IL12B: variants seen among roughly 807,000 people sequenced by gnomAD.
IL12B encodes the protein interleukin-12 subunit beta.
A neutral mutation model predicts 39.2 loss-of-function variants in IL12B; 27 were observed. That is an observed-to-expected ratio of 0.69 (90% CI 0.51 to 0.95). The LOEUF (loss-of-function observed/expected upper bound fraction) is 0.95, where lower values mean the gene tolerates loss of function less well. Among genes scored for constraint, IL12B ranks in the 40% least tolerant of loss-of-function variants. The probability of loss-of-function intolerance (pLI) is 0.00; values close to 1 mark genes in which losing one functional copy is unlikely to be tolerated. For missense variants in IL12B, 351 were observed against 397.6 expected (o/e 0.88, Z 1.00); for synonymous variants, 142 against 152.1 (o/e 0.93, Z 0.49).
chr5:159,317,742 G>A (rs1157834996), intron 6 of IL12B, among the ~76,000 whole-genome samples: 6 of 152,196 alleles, frequency 3.9e-5, no homozygotes, highest in African/African-American at 9.7e-5. Flanking sequence ...ACAGCCAGGA[G>A]CTATCCATTT....
intron 3 of IL12B, among the ~76,000 whole-genome samples, 194 bp downstream of exon 3, chr5:159,322,860 T>C (rs955358488): frequency 2.0e-5 from 3 of 152,166 alleles, no homozygotes; most frequent in Non-Finnish European, 2.9e-5. Flanking sequence ...TAATATGAGA[T>C]TTTGATGGTT....
At chr5:159,322,369 G>A in intron 4 of IL12B, 25 bp downstream of exon 4, 2 of 1,370,664 alleles carry the variant, frequency 1.5e-6, no homozygotes, top group Non-Finnish European at 2.1e-6. Context: ...GAAAAATGCT[G>A]AGAAACCAGA....
rs369157824 is a variant in IL12B, at chr5:159,315,405, G to A, written c.*696C>T. On this transcript the variant is annotated 3_prime_UTR_variant, in exon 8 of 8. Coordinates refer to ENST00000231228, the MANE Select transcript of IL12B (RefSeq NM_002187.3). Reference sequence around the variant, plus strand: ...GACGGGGTCTTGTTATGTTTCCCAGGCTGGTCAATCATTTTTTTCTAGCCC... The same window carrying A: ...GACGGGGTCTTGTTATGTTTCCCAGACTGGTCAATCATTTTTTTCTAGCCC... The A allele has an allele frequency of 3.3e-5, 5 of 152,108 alleles. No individual in the cohort carries two copies. Among genetic ancestry groups the A allele is most frequent in the African/African-American group, 1.2e-4 (5 of 41,354 alleles). 9.4% of individuals were successfully genotyped at this position (152,108 alleles called of 1,614,324 possible).
intron 6 of IL12B, among the ~76,000 whole-genome samples, chr5:159,317,495 C>T (rs906616245): frequency 6.6e-6 from 1 of 152,068 alleles, no homozygotes; most frequent in Admixed American, 6.5e-5. Context: ...ATTATTTTCC[C>T]AGAGAGTAAC....
chr5:159,316,935 T>G, intron 6 of IL12B, 119 bp from the exon 7 acceptor site: 2 of 1,114,220 alleles, frequency 1.8e-6, no homozygotes, highest in South Asian at 2.5e-5. Context: ...TAGGGCACTG[T>G]GCTTGCAATT....
rs574914587 is a variant in IL12B, at chr5:159,314,789, A to T, written c.*1312T>A. ...CTGAGAATGCCCAAAATATGATTAC[A>T]AAGAAGAGTTTTTATTAGTTCAGCC... On this transcript the variant is annotated 3_prime_UTR_variant, in exon 8 of 8. Transcript: ENST00000231228. 6.6e-5 allele frequency: 10 copies of T among 152,492 alleles called. No homozygotes were observed. The highest frequency in any genetic ancestry group is 4.1e-4 in the South Asian group (2 of 4,824). The allele number at this position is 152,492 out of a possible 1,614,324, so 9.4% of individuals were successfully genotyped here.
chr5:159,322,755 A>G (rs893102422), intron 3 of IL12B, among the ~76,000 whole-genome samples: 1 of 152,236 alleles, frequency 6.6e-6, no homozygotes, highest in Non-Finnish European at 1.5e-5. Context: ...GCAGAGTGAT[A>G]CACTATCGGT....
intron 1 of IL12B, among the ~76,000 whole-genome samples, chr5:159,327,907 C>T (rs968784050): frequency 1.3e-5 from 2 of 152,162 alleles, no homozygotes; most frequent in African/African-American, 2.4e-5. Flanking sequence ...ATGCCACTTA[C>T]GAATGAGGTA....
rs1406066852 is a variant in IL12B at position 159,323,232 on chromosome 5, C to T, written c.186G>A (p.Leu62=). 1 of 1,614,104 alleles carries T rather than the reference C, an allele frequency of 6.2e-7. No homozygotes were observed. The highest frequency in any genetic ancestry group is 1.1e-5 in the South Asian group (1 of 91,078). The stretch of plus-strand genomic sequence containing the variant: ...AGCCTAAGACCTCACTGCTCTGGTC[C>T]AAGGTCCAGGTGATACCATCTTCTT... ...TPEEDGITWT[L]DQSSEVLGSG... The change falls in exon 3 of 8, where the codon TTG becomes TTA. Residue 62 remains leucine (L), a synonymous_variant. Transcript: ENST00000231228.
At chr5:159,322,910 GTTAACATCAA>G (rs1754117625) in intron 3 of IL12B, 134 bp downstream of exon 3, 3 of 829,748 alleles carry the variant, frequency 3.6e-6, no homozygotes, top group Non-Finnish European at 5.9e-6. Context: ...GAAAATGGAG[GTTAACATCAA>G]TTAACATCAA....
At chr5:159,323,865 TAAC>T (rs1754143883) in intron 2 of IL12B, among the ~76,000 whole-genome samples, 1 of 143,972 alleles carries the variant, frequency 6.9e-6, no homozygotes, top group Non-Finnish European at 1.5e-5. Context: ...ATGATAATAA[TAAC>T]AGTATCTGCC....
rs1753975293 is a variant in IL12B at position 159,315,546 on chromosome 5, T to A, written c.*555A>T. 1 of 152,668 alleles carries A rather than the reference T, an allele frequency of 6.6e-6. No individual in the cohort carries two copies. Among genetic ancestry groups the A allele is most frequent in the Admixed American group, 6.5e-5 (1 of 15,270 alleles). The allele number at this position is 152,668 out of a possible 1,614,324, so 9.5% of individuals were successfully genotyped here. A position where few individuals can be genotyped will look rare whatever the true frequency, so the allele number is the denominator to read the frequency against. Reference sequence around the variant, plus strand: ...ACAGACATGGGAACTAGCATCTTGTTCTCCTGGATCTTCTCAACAGGTTTG... The same window carrying A: ...ACAGACATGGGAACTAGCATCTTGTACTCCTGGATCTTCTCAACAGGTTTG... On this transcript the variant is annotated 3_prime_UTR_variant, in exon 8 of 8. Coordinates refer to ENST00000231228, the MANE Select transcript of IL12B (RefSeq NM_002187.3).
rs1333773534 is a variant in IL12B, at chr5:159,323,397, C to T, written c.89-68G>A. On this transcript the variant is annotated intron_variant, in intron 2 of 7. Transcript: ENST00000231228. ...GAACTCTGGGACTGTGTTTTATTAA[C>T]CCTTCGGGCATCCCCATTGCCTAAA... 3.4e-6 allele frequency: 5 copies of T among 1,478,156 alleles called. No individual in the cohort carries two copies. In the African/African-American group the frequency reaches 4.1e-5, roughly 12 times the overall value. The allele number at this position is 1,478,156 out of a possible 1,614,324, so 91.6% of individuals were successfully genotyped here. A position where few individuals can be genotyped will look rare whatever the true frequency, so the allele number is the denominator to read the frequency against.
At chr5:159,324,926 G>A (rs141505514) in intron 2 of IL12B, among the ~76,000 whole-genome samples, 1 of 152,000 alleles carries the variant, frequency 6.6e-6, no homozygotes, top group African/African-American at 2.4e-5. Context: ...CAACTCTGGG[G>A]AAATGATTAG....
chr5:159,319,392 T>C (rs950867338), intron 5 of IL12B, among the ~76,000 whole-genome samples: 1 of 152,248 alleles, frequency 6.6e-6, no homozygotes, highest in African/African-American at 2.4e-5. Context: ...ATTGTCTCTA[T>C]GCTCAATTTG....
Position 159,320,480 on chromosome 5 carries a change from G to A in IL12B, c.523C>T (p.Leu175Phe). Residue 175 changes from leucine (L) to phenylalanine (F), a missense_variant, in exon 5 of 8, where the codon CTC (leucine) becomes TTC (phenylalanine). Leu to Phe is a conservative substitution (Grantham distance 22). Transcript: ENST00000231228. The part of the protein sequence containing the change: ...PQGVTCGAAT[L>F]SAERVRGDNK... ...TCCCCTCTGACTCTCTCTGCAGAGA[G>A]TGTAGCAGCTCCGCACGTCACCCCT... 8.1e-6 allele frequency: 13 copies of A among 1,614,184 alleles called. No homozygotes were observed. Among genetic ancestry groups the A allele is most frequent in the Non-Finnish European group, 1.1e-5 (13 of 1,180,010 alleles).
In IL12B at chr5:159,321,366, T is replaced by C. The variant is rs7718241; in HGVS notation, c.483-846A>G. On this transcript the variant is annotated intron_variant, in intron 4 of 7. Transcript: ENST00000231228. ...CACATTTTATATATATATATATATA[T>C]ACACACACACACACACACACATATG... Among the ~76,000 whole-genome samples, 432 of 86,044 alleles carry C rather than the reference T, an allele frequency of 5.0e-3. 2 individuals carry two copies. Among genetic ancestry groups the C allele is most frequent in the East Asian group, 0.029 (55 of 1,912 alleles). The allele number at this position is 86,044 out of a possible 152,430, so 56.4% of individuals were successfully genotyped here.
intron 2 of IL12B, 86 bp from the exon 3 acceptor site, chr5:159,323,415 T>G (rs186668568): frequency 8.0e-7 from 1 of 1,249,674 alleles, no homozygotes; most frequent in African/African-American, 1.5e-5. Context: ...GCATCCCCAT[T>G]GCCTAAACAC....
At chr5:159,323,011 G>A in intron 3 of IL12B, 43 bp downstream of exon 3, 1 of 1,587,836 alleles carries the variant, frequency 6.3e-7, no homozygotes, top group Non-Finnish European at 8.6e-7. Flanking sequence ...TAACTCTTAT[G>A]AGCGAAAGAG....
Sources: gnomAD v4.1 joint callset for allele counts (sites outside exome capture counted in the v4.1 genomes callset) on GRCh38, gnomAD v4.1.1 for gene constraint, MANE v1.5 for transcripts, NCBI Gene and HGNC (gene_info 2026-07-23, HGNC 2026-07-21) for gene names.